AFF1: variants seen among roughly 807,000 people sequenced by gnomAD.
AFF1 encodes the protein ALF transcription elongation factor 1.
In AFF1, 48 loss-of-function variants were observed where a neutral mutation model predicts 121.7. The ratio of observed to expected loss-of-function variants is 0.39; its 90% CI spans 0.31 to 0.50. The LOEUF (loss-of-function observed/expected upper bound fraction) is 0.50. AFF1 is among the 20% of genes least tolerant of loss of function. AFF1 has a pLI of 0.76. For synonymous variants in AFF1, 613 were observed against 563.0 expected (o/e 1.09, Z -1.26); for missense variants, 1,523 against 1,511.7 (o/e 1.01, Z -0.12).
intron 11 of AFF1, among the ~76,000 whole-genome samples, chr4:87,109,600 T>G (rs1201488669): frequency 6.6e-6 from 1 of 152,248 alleles, no homozygotes; most frequent in African/African-American, 2.4e-5. Flanking sequence ...AGATCTTTGC[T>G]TTATGTTTCA....
chr4:86,978,769 C>G (rs6815546), intron 2 of AFF1, among the ~76,000 whole-genome samples: 144,346 of 152,240 alleles, frequency 0.95, 68,796 homozygotes, highest in Non-Finnish European at 1. Flanking sequence ...ATCAGTGTTG[C>G]GTATTATGTT....
intron 4 of AFF1, among the ~76,000 whole-genome samples, chr4:87,052,683 A>G (rs1202895128): frequency 1.3e-5 from 2 of 151,040 alleles, no homozygotes; most frequent in Admixed American, 1.3e-4. Flanking sequence ...AATGGATGAG[A>G]GGGGCAAAGG....
chr4:87,087,511 C>G (rs1723856809), intron 5 of AFF1, among the ~76,000 whole-genome samples: 1 of 152,228 alleles, frequency 6.6e-6, no homozygotes, highest in African/African-American at 2.4e-5. Context: ...AGGGCCAGGG[C>G]TGACGTAGGT....
Position 87,111,646 on chromosome 4 carries a change from G to A in AFF1, c.1534-2721G>A, listed in dbSNP as rs189165689. Among the ~76,000 whole-genome samples, 522 of 152,218 alleles carry A rather than the reference G, an allele frequency of 3.4e-3. 9 individuals are homozygous for A. The highest frequency in any genetic ancestry group is 2.4e-3 in the Non-Finnish European group (163 of 68,014). ...TGGGATTACAGGTGTGAGCCACTGC[G>A]CCCAGCCTAAAAAATATTTTTAATC... On this transcript the variant is annotated intron_variant, in intron 11 of 20. Coordinates refer to ENST00000395146, the MANE Select transcript of AFF1 (RefSeq NM_001166693.3).
At chr4:87,107,894 T>G (rs926415483) in intron 10 of AFF1, among the ~76,000 whole-genome samples, 1 of 152,234 alleles carries the variant, frequency 6.6e-6, no homozygotes, top group Non-Finnish European at 1.5e-5. Context: ...AGCATCTAAC[T>G]TAAATTTTGG....
intron 8 of AFF1, among the ~76,000 whole-genome samples, chr4:87,104,424 T>G (rs1725709380): frequency 6.6e-6 from 1 of 152,190 alleles, no homozygotes; most frequent in Admixed American, 6.5e-5. Context: ...TAGCTTCTGT[T>G]AGATAAATAT....
chr4:86,948,508 T>G lies in AFF1; in HGVS notation c.-26T>G. The G allele has an allele frequency of 6.5e-7, 1 of 1,536,348 alleles. No individual in the cohort carries two copies. Among genetic ancestry groups the G allele is most frequent in the South Asian group, 1.2e-5 (1 of 84,000 alleles). On this transcript the variant is annotated 5_prime_UTR_variant, in exon 2 of 21. Coordinates refer to ENST00000395146, the MANE Select transcript of AFF1 (RefSeq NM_001166693.3). ...TTGTTTCTCTTTCAGATGAACAGACTAGCCACTTTGCATTGACTGGAAACA... is the reference window on the plus strand; with the variant it reads ...TTGTTTCTCTTTCAGATGAACAGACGAGCCACTTTGCATTGACTGGAAACA...
In AFF1 at chr4:87,137,385, A is replaced by G. The variant is rs1210898100; in HGVS notation, c.*1684A>G. 4.4e-6 allele frequency: 1 copy of G among 229,746 alleles called. No individual in the cohort carries two copies. Among genetic ancestry groups the G allele is most frequent in the Admixed American group, 5.7e-5 (1 of 17,650 alleles). The allele number at this position is 229,746 out of a possible 1,614,324, so 14.2% of individuals were successfully genotyped here. On this transcript the variant is annotated 3_prime_UTR_variant, in exon 21 of 21. Coordinates refer to ENST00000395146, the MANE Select transcript of AFF1 (RefSeq NM_001166693.3). ...CTCTCTTGGTAGTTTGTAAATACAC[A>G]AAGGGATGTGTCGAGGGATGGGAGC...
chr4:87,061,104 C>A (rs1362047084), intron 4 of AFF1, among the ~76,000 whole-genome samples: 2 of 152,172 alleles, frequency 1.3e-5, no homozygotes. Context: ...TATGACTCAC[C>A]TGTAGTTCAG....
intron 10 of AFF1, among the ~76,000 whole-genome samples, chr4:87,107,353 A>G (rs1419985887): frequency 6.6e-6 from 1 of 152,218 alleles, no homozygotes; most frequent in Non-Finnish European, 1.5e-5. Context: ...GAAATTATAT[A>G]TGTGTCTAGC....
chr4:87,100,925 C>T (rs145732965), intron 8 of AFF1, among the ~76,000 whole-genome samples: 23 of 152,290 alleles, frequency 1.5e-4, no homozygotes, highest in African/African-American at 3.9e-4. Context: ...ATCTTCACTT[C>T]GTCCATGGAG....
At chr4:86,991,426 CAG>C (rs763643886) in intron 2 of AFF1, among the ~76,000 whole-genome samples, 53 of 144,360 alleles carry the variant, frequency 3.7e-4, no homozygotes, top group East Asian at 1.0e-3. Flanking sequence ...GCCTGGGCGA[CAG>C]AGTGAGACTC....
intron 4 of AFF1, among the ~76,000 whole-genome samples, chr4:87,072,870 A>G (rs1722237524): frequency 6.6e-6 from 1 of 152,164 alleles, no homozygotes; most frequent in African/African-American, 2.4e-5. Flanking sequence ...GCGTTTGTCG[A>G]ATGATGGAGT....
chr4:86,963,963 G>GTTTTTTTTTTTTTTTTT (rs3035477), intron 2 of AFF1, among the ~76,000 whole-genome samples: 3 of 104,376 alleles, frequency 2.9e-5, no homozygotes, highest in African/African-American at 1.1e-4. Flanking sequence ...GACTAGACTG[G>GTTTTTTTTTTTTTTTTT]TTTTTTTTTT....
chr4:87,032,499 C>T (rs1484029190), intron 2 of AFF1, among the ~76,000 whole-genome samples: 1 of 152,192 alleles, frequency 6.6e-6, no homozygotes, highest in African/African-American at 2.4e-5. Flanking sequence ...ACAACTTATT[C>T]CTCCTTTTTT....
intron 2 of AFF1, among the ~76,000 whole-genome samples, chr4:87,040,153 C>T (rs1042644740): frequency 1.3e-5 from 2 of 152,158 alleles, no homozygotes; most frequent in African/African-American, 2.4e-5. Flanking sequence ...CCTCGGCCTC[C>T]CAAAGTGCTG....
At chr4:87,133,103 T>G (rs187213831) in intron 19 of AFF1, among the ~76,000 whole-genome samples, 8 of 152,358 alleles carry the variant, frequency 5.3e-5, no homozygotes, top group African/African-American at 1.9e-4. Flanking sequence ...CATAGCTTCT[T>G]GGCATTTCAG....
chr4:87,094,515 G>A (rs1366809142), intron 7 of AFF1, among the ~76,000 whole-genome samples: 2 of 152,150 alleles, frequency 1.3e-5, no homozygotes, highest in Non-Finnish European at 2.9e-5. Flanking sequence ...GAGCACCTAG[G>A]ACAGAGCTGT....
chr4:87,005,030 G>A (rs1725989548), intron 2 of AFF1, among the ~76,000 whole-genome samples: 1 of 152,180 alleles, frequency 6.6e-6, no homozygotes. Context: ...TTGTTTGAGA[G>A]AGAGTCTTAC....
Sources: allele counts gnomAD v4.1 joint callset (sites outside exome capture counted in the v4.1 genomes callset), GRCh38; gene constraint gnomAD v4.1.1; transcripts MANE v1.5; gene names NCBI Gene and HGNC (gene_info 2026-07-23, HGNC 2026-07-21).